MGAT4C: variants seen among roughly 807,000 people sequenced by gnomAD.
The protein encoded by MGAT4C is MGAT4 family member C.
MGAT4C carries 19 observed loss-of-function variants against 40.1 expected under a neutral mutation model. The ratio of observed to expected loss-of-function variants is 0.47; its 90% CI spans 0.33 to 0.70. The LOEUF is 0.70. Among genes scored for constraint, MGAT4C ranks in the 30% least tolerant of loss-of-function variants. The pLI is 0.02. For synonymous variants in MGAT4C, 181 were observed against 187.1 expected (o/e 0.97, Z 0.27); for missense variants, 491 against 563.2 (o/e 0.87, Z 1.30).
intron 3 of MGAT4C, among the ~76,000 whole-genome samples, chr12:86,354,974 C>A (rs573773853): frequency 2.0e-5 from 3 of 152,304 alleles, no homozygotes; most frequent in African/African-American, 7.2e-5. Context: ...TGGCTGGGGG[C>A]GGCCAGCTTT....
intron 3 of MGAT4C, among the ~76,000 whole-genome samples, chr12:86,378,580 G>A (rs1028191600): frequency 2.6e-5 from 4 of 152,122 alleles, no homozygotes; most frequent in South Asian, 2.1e-4. Context: ...GAGCTTAAAG[G>A]ACTGGGGATA....
chr12:86,045,532 T>C (rs1339174736), intron 2 of MGAT4C, among the ~76,000 whole-genome samples: 1 of 152,202 alleles, frequency 6.6e-6, no homozygotes, highest in African/African-American at 2.4e-5. Flanking sequence ...AGAAATACTT[T>C]AAGCATTTTC....
At chr12:86,434,821 G>C (rs563562291) in intron 3 of MGAT4C, among the ~76,000 whole-genome samples, 1 of 151,838 alleles carries the variant, frequency 6.6e-6, no homozygotes, top group African/African-American at 2.4e-5. Flanking sequence ...TTCACTCTCA[G>C]CCATGGTATC....
chr12:86,676,259 GA>G, intron 2 of MGAT4C, among the ~76,000 whole-genome samples: 1 of 152,224 alleles, frequency 6.6e-6, no homozygotes, highest in Non-Finnish European at 1.5e-5. Context: ...GATATTTAGG[GA>G]AATTTCAAGT....
chr12:86,762,823 G>C (rs1951431365), intron 1 of MGAT4C, among the ~76,000 whole-genome samples: 1 of 152,120 alleles, frequency 6.6e-6, no homozygotes, highest in African/African-American at 2.4e-5. Flanking sequence ...GTTCAAAACA[G>C]ACAAATAAAA....
At chr12:86,744,981 G>C (rs993242798) in intron 1 of MGAT4C, 3 of 151,568 alleles carry the variant, frequency 2.0e-5, no homozygotes, top group Admixed American at 1.3e-4. Flanking sequence ...AATCCGTTCT[G>C]CATGCATCAG....
chr12:86,189,958 T>C (rs1052730221), intron 1 of MGAT4C, among the ~76,000 whole-genome samples: 1 of 152,080 alleles, frequency 6.6e-6, no homozygotes, highest in Admixed American at 6.6e-5. Context: ...AATTAACTAG[T>C]ACTTTAAATG....
At chr12:86,795,550 C>T (rs556753155) in intron 1 of MGAT4C, among the ~76,000 whole-genome samples, 10 of 150,896 alleles carry the variant, frequency 6.6e-5, no homozygotes, top group Admixed American at 1.3e-4. Flanking sequence ...AGCTTAAAAA[C>T]GGCATTGAAG....
intron 1 of MGAT4C, among the ~76,000 whole-genome samples, chr12:86,076,321 T>G (rs1179746792): frequency 6.6e-6 from 1 of 152,214 alleles, no homozygotes; most frequent in Admixed American, 6.5e-5. Context: ...GCAATCAGCA[T>G]TTTGGGCAAA....
intron 1 of MGAT4C, among the ~76,000 whole-genome samples, chr12:86,219,335 AAT>A (rs780377151): frequency 6.5e-4 from 97 of 148,330 alleles, no homozygotes; most frequent in Non-Finnish European, 1.3e-3. Context: ...GAGATAAAAT[AAT>A]ATGTTATGAA....
rs114246537 is a variant in MGAT4C at position 86,148,121 on chromosome 12, C to T, written c.-56-98398G>A. Reference sequence around the variant, plus strand: ...TTGAAAAGAATAATAAAGTGAATGTCTAATTAAATGGCGCATTTTTAAAAG... The same window carrying T: ...TTGAAAAGAATAATAAAGTGAATGTTTAATTAAATGGCGCATTTTTAAAAG... On this transcript the variant is annotated intron_variant, in intron 1 of 4. Transcript: ENST00000611864. Among the ~76,000 whole-genome samples, 809 of 152,276 alleles carry T rather than the reference C, an allele frequency of 5.3e-3. 7 individuals carry two copies. Among genetic ancestry groups the T allele is most frequent in the African/African-American group, 0.019 (779 of 41,546 alleles).
chr12:86,830,227 G>A (rs2136235195), intron 1 of MGAT4C, among the ~76,000 whole-genome samples: 1 of 151,368 alleles, frequency 6.6e-6, no homozygotes, highest in South Asian at 2.1e-4. Flanking sequence ...TTTTCTACCT[G>A]TCTATCCATC....
intron 2 of MGAT4C, among the ~76,000 whole-genome samples, chr12:86,666,286 T>C (rs1337081605): frequency 6.6e-6 from 1 of 152,188 alleles, no homozygotes; most frequent in Non-Finnish European, 1.5e-5. Context: ...TCTATAGCTC[T>C]AAGATCACCA....
chr12:86,445,027 T>G (rs948819672), intron 2 of MGAT4C, among the ~76,000 whole-genome samples: 27 of 151,980 alleles, frequency 1.8e-4, no homozygotes, highest in African/African-American at 6.5e-4. Context: ...ACCAGAAAGG[T>G]GGGGGTGGAA....
intron 1 of MGAT4C, among the ~76,000 whole-genome samples, chr12:86,054,119 AT>A (rs1415661714): frequency 6.6e-6 from 1 of 152,062 alleles, no homozygotes; most frequent in African/African-American, 2.4e-5. Flanking sequence ...TGAAATCAGT[AT>A]GTCAAAGAGA....
At chr12:86,577,181 T>A (rs141173874) in intron 2 of MGAT4C, among the ~76,000 whole-genome samples, 1 of 151,850 alleles carries the variant, frequency 6.6e-6, no homozygotes, top group African/African-American at 2.4e-5. Context: ...CTTTACTGAA[T>A]TTATCCGTTC....
At chr12:86,266,682 C>T (rs1296122538) in intron 4 of MGAT4C, among the ~76,000 whole-genome samples, 2 of 152,052 alleles carry the variant, frequency 1.3e-5, no homozygotes, top group Non-Finnish European at 2.9e-5. Context: ...CCCTCTTCCT[C>T]AATTTTTTGA....
intron 2 of MGAT4C, among the ~76,000 whole-genome samples, chr12:86,523,361 C>T (rs1958828889): frequency 6.6e-6 from 1 of 152,108 alleles, no homozygotes; most frequent in African/African-American, 2.4e-5. Flanking sequence ...AAAAGTCATT[C>T]AGGAGCAGGT....
chr12:86,738,563 A>G (rs1283230490), intron 1 of MGAT4C, among the ~76,000 whole-genome samples: 5 of 151,268 alleles, frequency 3.3e-5, no homozygotes, highest in Non-Finnish European at 7.4e-5. Context: ...CCATTCATTC[A>G]ATTTTATAGT....
Sources: gnomAD v4.1 joint callset for allele counts (sites outside exome capture counted in the v4.1 genomes callset) on GRCh38, gnomAD v4.1.1 for gene constraint, MANE v1.5 for transcripts, NCBI Gene and HGNC (gene_info 2026-07-23, HGNC 2026-07-21) for gene names.